Variants in CNTN4 observed in about 807,000 individuals in gnomAD.
The protein encoded by CNTN4 is contactin 4, also known as contactin-4.
A neutral mutation model predicts 122.5 loss-of-function variants in CNTN4; 77 were observed. That is an observed-to-expected ratio of 0.63 (90% CI 0.52 to 0.76). The LOEUF is 0.76. Ranked by LOEUF, CNTN4 falls within the 30% of genes least tolerant of loss-of-function variation. The pLI is 0.00. For missense variants in CNTN4, 1,256 were observed against 1,259.1 expected (o/e 1.00, Z 0.04); for synonymous variants, 512 against 447.0 (o/e 1.15, Z -1.83).
At chr3:2,647,979 G>T (rs548640151) in intron 4 of CNTN4, among the ~76,000 whole-genome samples, 20 of 152,286 alleles carry the variant, frequency 1.3e-4, no homozygotes, top group African/African-American at 4.8e-4. Flanking sequence ...GTAATTTGCA[G>T]TTGACGCTTA....
At chr3:2,721,462 C>T (rs1316629077) in intron 4 of CNTN4, among the ~76,000 whole-genome samples, 1 of 152,098 alleles carries the variant, frequency 6.6e-6, no homozygotes. Flanking sequence ...CTGCCATGAA[C>T]ATGGAAGTAT....
chr3:2,793,982 A>G (rs370819991), intron 6 of CNTN4, among the ~76,000 whole-genome samples: 212 of 152,248 alleles, frequency 1.4e-3, no homozygotes, highest in Admixed American at 3.9e-3. Flanking sequence ...TGGAAATACC[A>G]AATGAAAACA....
chr3:2,459,293 A>G (rs377253004), intron 3 of CNTN4, among the ~76,000 whole-genome samples: 1 of 152,118 alleles, frequency 6.6e-6, no homozygotes, highest in Non-Finnish European at 1.5e-5. Context: ...TATGAGTTGT[A>G]TGCATATCTA....
chr3:2,301,177 T>A (rs2042503962), intron 2 of CNTN4, among the ~76,000 whole-genome samples: 1 of 152,212 alleles, frequency 6.6e-6, no homozygotes, highest in South Asian at 2.1e-4. Flanking sequence ...ACATCACAGA[T>A]GCACTGTTAG....
chr3:2,754,650 G>A (rs1257633297), intron 6 of CNTN4, among the ~76,000 whole-genome samples: 3 of 151,262 alleles, frequency 2.0e-5, no homozygotes, highest in Admixed American at 6.6e-5. Flanking sequence ...TGAAAGGAGT[G>A]CTTACGTACA....
At chr3:2,592,638 C>T (rs2080554572) in intron 4 of CNTN4, among the ~76,000 whole-genome samples, 1 of 152,166 alleles carries the variant, frequency 6.6e-6, no homozygotes, top group Admixed American at 6.5e-5. Flanking sequence ...CTTTGTGCCT[C>T]CTTTCCTTCC....
At chr3:2,450,540 T>C (rs2048791773) in intron 3 of CNTN4, among the ~76,000 whole-genome samples, 1 of 152,180 alleles carries the variant, frequency 6.6e-6, no homozygotes, top group South Asian at 2.1e-4. Flanking sequence ...GTGACAGGTT[T>C]AGCATAGCTA....
chr3:2,834,057 A>T (rs2093161614), intron 7 of CNTN4, among the ~76,000 whole-genome samples: 1 of 152,006 alleles, frequency 6.6e-6, no homozygotes, highest in Admixed American at 6.6e-5. Flanking sequence ...GAGGCAGGAG[A>T]ATCACTTGAT....
At chr3:2,140,464 C>T (rs559491590) in intron 2 of CNTN4, among the ~76,000 whole-genome samples, 3 of 152,120 alleles carry the variant, frequency 2.0e-5, no homozygotes, top group Admixed American at 6.5e-5. Context: ...TCCAAGATCA[C>T]GGCAACCTCA....
At chr3:2,898,671 T>C (rs111541045) in intron 10 of CNTN4, among the ~76,000 whole-genome samples, 144 of 152,342 alleles carry the variant, frequency 9.5e-4, no homozygotes, top group African/African-American at 3.3e-3. Context: ...GATTTTGATG[T>C]TTCCTTTTTG....
intron 3 of CNTN4, among the ~76,000 whole-genome samples, chr3:2,488,975 C>A (rs2076239283): frequency 6.6e-6 from 1 of 152,310 alleles, no homozygotes; most frequent in Middle Eastern, 3.4e-3. Flanking sequence ...GAGTCCAAAT[C>A]ATTCATCTCT....
intron 4 of CNTN4, among the ~76,000 whole-genome samples, chr3:2,705,167 G>T (rs975089525): frequency 6.6e-6 from 1 of 151,164 alleles, no homozygotes; most frequent in African/African-American, 2.4e-5. Flanking sequence ...AGGAGATCGA[G>T]ACCATCCTGG....
At chr3:2,181,127 A>G (rs1017402634) in intron 2 of CNTN4, among the ~76,000 whole-genome samples, 1 of 152,140 alleles carries the variant, frequency 6.6e-6, no homozygotes, top group African/African-American at 2.4e-5. Flanking sequence ...TTATGACTCC[A>G]GCATGACCTA....
At chr3:2,532,538 G>A (rs921717721) in intron 3 of CNTN4, among the ~76,000 whole-genome samples, 11 of 152,228 alleles carry the variant, frequency 7.2e-5, no homozygotes, top group African/African-American at 2.4e-4. Flanking sequence ...AAAATTGTAA[G>A]TAGAAGTTGA....
At chr3:2,836,402 T>C (rs1468232315) in intron 7 of CNTN4, among the ~76,000 whole-genome samples, 1 of 152,192 alleles carries the variant, frequency 6.6e-6, no homozygotes, top group African/African-American at 2.4e-5. Context: ...AAAAAGGGAA[T>C]GCCTCTCTCT....
At chr3:2,764,938 G>A (rs1265811593) in intron 6 of CNTN4, among the ~76,000 whole-genome samples, 1 of 152,302 alleles carries the variant, frequency 6.6e-6, no homozygotes, top group East Asian at 1.9e-4. Flanking sequence ...TGAAGGGCTA[G>A]GGTATGATTC....
At chr3:2,909,203 C>A (rs1258335542) in intron 12 of CNTN4, among the ~76,000 whole-genome samples, 2 of 152,168 alleles carry the variant, frequency 1.3e-5, no homozygotes, top group African/African-American at 2.4e-5. Context: ...TCTTACCCAA[C>A]TGCAGTCATC....
intron 3 of CNTN4, among the ~76,000 whole-genome samples, chr3:2,560,012 G>A (rs1012141641): frequency 3.9e-5 from 6 of 152,272 alleles, no homozygotes; most frequent in East Asian, 1.9e-4. Context: ...TAATGGCACA[G>A]GATCTTGAAT....
intron 3 of CNTN4, among the ~76,000 whole-genome samples, chr3:2,434,984 A>G (rs758303201): frequency 9.2e-5 from 14 of 152,120 alleles, no homozygotes; most frequent in Non-Finnish European, 1.5e-4. Context: ...CTCTTATACC[A>G]CAAGAAGGGC....
Sources: gnomAD v4.1 joint callset for allele counts (sites outside exome capture counted in the v4.1 genomes callset) on GRCh38, gnomAD v4.1.1 for gene constraint, MANE v1.5 for transcripts, NCBI Gene and HGNC (gene_info 2026-07-23, HGNC 2026-07-21) for gene names.